Variants in ARID1B observed in about 807,000 individuals in gnomAD.
The protein encoded by ARID1B is AT-rich interaction domain 1B.
In ARID1B, 30 loss-of-function variants were observed where a neutral mutation model predicts 212.3. That is an observed-to-expected ratio of 0.14 (90% CI 0.11 to 0.19). ARID1B has a LOEUF of 0.19. Among genes scored for constraint, ARID1B ranks in the 10% least tolerant of loss-of-function variants. The pLI, the probability that ARID1B is intolerant of heterozygous loss-of-function variation, is 1.00. For synonymous variants in ARID1B, 1,402 were observed against 1,301.7 expected (o/e 1.08, Z -1.66); for missense variants, 2,891 against 3,204.0 (o/e 0.90, Z 2.36).
intron 7 of ARID1B, among the ~76,000 whole-genome samples, chr6:157,146,860 T>C (rs1789765617): frequency 6.6e-6 from 1 of 152,202 alleles, no homozygotes; most frequent in Admixed American, 6.5e-5. Context: ...CTTTCGCATT[T>C]ATGTAATTTC....
chr6:157,080,170 C>T (rs554385754), intron 4 of ARID1B, among the ~76,000 whole-genome samples: 1 of 152,310 alleles, frequency 6.6e-6, no homozygotes, highest in African/African-American at 2.4e-5. Context: ...CAGTGCTTGG[C>T]AGCTTTCTAT....
intron 6 of ARID1B, among the ~76,000 whole-genome samples, chr6:157,116,713 C>T (rs747476400): frequency 6.6e-6 from 1 of 151,790 alleles, no homozygotes; most frequent in African/African-American, 2.4e-5. Context: ...GCCATCAGAT[C>T]GGTGCTGAAA....
In ARID1B at chr6:157,206,353, A is replaced by G. The variant is rs1032904920; in HGVS notation, c.5581A>G (p.Ile1861Val). The G allele has an allele frequency of 6.2e-7, 1 of 1,614,052 alleles. No individual in the cohort carries two copies. Among genetic ancestry groups the G allele is most frequent in the Non-Finnish European group, 8.5e-7 (1 of 1,180,052 alleles). ...SGKEEEDAECIDDDEEDEEDE... is the reference protein window; with the variant it reads ...SGKEEEDAECVDDDEEDEEDE... ...GAAAGAGGAGGAAGATGCTGAATGT[A>G]TTGATGACGACGAGGAAGACGAGGA... is the stretch of plus-strand genomic sequence containing the variant. Residue 1861 changes from isoleucine to valine, a missense_variant, in exon 20 of 20, where the codon ATT (isoleucine) becomes GTT (valine). Transcript: ENST00000636930. The surrounding 1 kb of genome is among the most constrained non-coding windows in gnomAD (Gnocchi z 6.8).
chr6:157,170,827 C>T (rs1791670400), intron 9 of ARID1B, among the ~76,000 whole-genome samples: 1 of 152,180 alleles, frequency 6.6e-6, no homozygotes, highest in African/African-American at 2.4e-5. Flanking sequence ...AGTGCGTCTC[C>T]CGAGCCGTTC....
chr6:157,000,584 T>G (rs1473909118), intron 4 of ARID1B, among the ~76,000 whole-genome samples: 1 of 152,204 alleles, frequency 6.6e-6, no homozygotes, highest in Non-Finnish European at 1.5e-5. Context: ...GCTATATGGA[T>G]GTGGAACAAT....
rs183991241 is a variant in ARID1B, at chr6:157,107,134, C to T, written c.2492-3338C>T. 3.1e-3 allele frequency among the ~76,000 whole-genome samples: 474 copies of T among 152,142 alleles called. 4 individuals are homozygous for T. Among genetic ancestry groups the T allele is most frequent in the African/African-American group, 9.5e-3 (396 of 41,502 alleles). On this transcript the variant is annotated intron_variant, in intron 5 of 19. Coordinates refer to ENST00000636930, the MANE Select transcript of ARID1B (RefSeq NM_001374828.1). ...TTAGGGATAAAAAATATAATCAGAG[C>T]AAATAAAATTTGGCAACATTCTACA...
In ARID1B at chr6:157,207,803, G is replaced by A. The variant is rs1302430069; in HGVS notation, c.7031G>A (p.Arg2344Gln). The A allele has an allele frequency of 3.9e-6, 6 of 1,550,550 alleles. No individual in the cohort carries two copies. Among genetic ancestry groups the A allele is most frequent in the African/African-American group, 2.7e-5 (2 of 72,968 alleles). Residue 2344 changes from arginine to glutamine, a missense_variant, in exon 20 of 20, where the codon CGG becomes CAG. Arg to Gln is a conservative substitution (Grantham distance 43, BLOSUM62 1). This residue lies in a region of ARID1B where 187 missense variants were observed against 306.5 expected (regional missense o/e 0.61). Transcript: ENST00000636930. The surrounding 1 kb of genome is among the most constrained non-coding windows in gnomAD (Gnocchi z 8.5). The part of the protein sequence containing the change: ...NRSEFLLHEG[R>Q]LLDISISAVL... ...TCGGAATTCCTTTTGCACGAGGGCC[G>A]GTTGCTGGATATCTCGATATCAGCT...
chr6:156,856,695 C>CTCTCTCTG (rs1784961608), intron 2 of ARID1B, among the ~76,000 whole-genome samples: 1 of 82,940 alleles, frequency 1.2e-5, no homozygotes, highest in Non-Finnish European at 2.5e-5. Flanking sequence ...CTCTCTCTCT[C>CTCTCTCTG]TCTCTCACAC....
intron 4 of ARID1B, among the ~76,000 whole-genome samples, chr6:156,993,312 G>A (rs1371660333): frequency 1.3e-5 from 2 of 152,206 alleles, no homozygotes; most frequent in African/African-American, 4.8e-5. Flanking sequence ...AAAGTGCTGG[G>A]TGGCGTGAGC....
intron 2 of ARID1B, among the ~76,000 whole-genome samples, chr6:156,897,327 G>T (rs941241533): frequency 6.8e-6 from 1 of 148,052 alleles, no homozygotes; most frequent in African/African-American, 2.5e-5. Context: ...AGGCTGGAGT[G>T]CACTGGAGCG....
At chr6:157,123,818 T>C (rs1361495540) in intron 6 of ARID1B, among the ~76,000 whole-genome samples, 1 of 152,264 alleles carries the variant, frequency 6.6e-6, no homozygotes. Context: ...TCTCGTTTAA[T>C]CTTACAAGGT....
chr6:156,805,745 A>T (rs1781111303), intron 1 of ARID1B, among the ~76,000 whole-genome samples: 1 of 152,126 alleles, frequency 6.6e-6, no homozygotes, highest in Non-Finnish European at 1.5e-5. Context: ...GCACCATTGT[A>T]ACTCACTGCA....
intron 4 of ARID1B, among the ~76,000 whole-genome samples, chr6:157,001,718 A>G (rs768436999): frequency 2.0e-4 from 30 of 152,354 alleles, no homozygotes; most frequent in Middle Eastern, 6.8e-3. Flanking sequence ...CTGGGCTTAT[A>G]AGCATTTAAG....
intron 2 of ARID1B, among the ~76,000 whole-genome samples, chr6:156,830,707 C>T (rs1288511577): frequency 1.3e-5 from 2 of 151,582 alleles, no homozygotes; most frequent in East Asian, 1.9e-4. Context: ...GTGGGAGGAT[C>T]GCTTGAGCCC....
chr6:157,206,139 T>C lies in ARID1B; in HGVS notation c.5395-28T>C. On this transcript the variant is annotated intron_variant, in intron 19 of 19. Coordinates refer to ENST00000636930, the MANE Select transcript of ARID1B (RefSeq NM_001374828.1). The surrounding 1 kb of genome is among the most constrained non-coding windows in gnomAD (Gnocchi z 6.8). Reference sequence around the variant, plus strand: ...ATGTCATGACATTGTACCTGTTCTTTCTTTCTTCTCCTCCTCCTCCTCTCC... The same window carrying C: ...ATGTCATGACATTGTACCTGTTCTTCCTTTCTTCTCCTCCTCCTCCTCTCC... 1 of 1,609,034 alleles carries C rather than the reference T, an allele frequency of 6.2e-7. No homozygotes were observed. The highest frequency in any genetic ancestry group is 2.2e-5 in the East Asian group (1 of 44,854).
chr6:156,922,174 T>C (rs1223535763), intron 3 of ARID1B, among the ~76,000 whole-genome samples: 1 of 72,426 alleles, frequency 1.4e-5, no homozygotes, highest in African/African-American at 5.8e-5. Flanking sequence ...TAGGTTGCCC[T>C]TTTTTTTTTT....
rs1046394316 is a variant in ARID1B, at chr6:156,777,818, C to CGCGGCGGCG, written c.150_158dup (p.Ala51_Ala53dup). The CGCGGCGGCG allele has an allele frequency of 5.4e-5, 55 of 1,011,754 alleles. No individual in the cohort carries two copies. The highest frequency in any genetic ancestry group is 4.7e-4 in the Middle Eastern group (1 of 2,120). 62.7% of individuals were successfully genotyped at this position (1,011,754 alleles called of 1,614,324 possible). ...GGGACCTGGAGGCGGGGGCGCGCGG[C>CGCGGCGGCG]GCGGCGGCGGCGGCGGCGGCACCGG... On this transcript the variant is annotated inframe_insertion, in exon 1 of 20. Coordinates refer to ENST00000636930, the MANE Select transcript of ARID1B (RefSeq NM_001374828.1).
intron 3 of ARID1B, among the ~76,000 whole-genome samples, chr6:156,918,417 A>G (rs1790528291): frequency 6.6e-6 from 1 of 152,222 alleles, no homozygotes; most frequent in African/African-American, 2.4e-5. Flanking sequence ...TATAAGAGCA[A>G]AAAAACAAGG....
At chr6:157,106,348 A>G (rs1273246734) in intron 5 of ARID1B, among the ~76,000 whole-genome samples, 1 of 152,202 alleles carries the variant, frequency 6.6e-6, no homozygotes, top group African/African-American at 2.4e-5. Context: ...GGCTGCAGTC[A>G]AGATGTTGGG....
Sources: gnomAD v4.1 joint callset for allele counts (sites outside exome capture counted in the v4.1 genomes callset) on GRCh38, gnomAD v4.1.1 for gene constraint, gnomAD v4.1.1 regional missense constraint, Gnocchi (gnomAD v3.1) non-coding constraint, MANE v1.5 for transcripts, NCBI Gene and HGNC (gene_info 2026-07-23, HGNC 2026-07-21) for gene names.